The following PIK3C2G variants were observed in gnomAD, a reference collection of about 807,000 sequenced individuals.
The protein encoded by PIK3C2G is phosphatidylinositol-4-phosphate 3-kinase catalytic subunit type 2 gamma.
A neutral mutation model predicts 181.1 loss-of-function variants in PIK3C2G; 168 were observed. The observed-to-expected ratio is 0.93, with a 90% CI of 0.82 to 1.05. PIK3C2G has a LOEUF of 1.05. PIK3C2G is among the 50% of genes least tolerant of loss of function. The pLI is 0.00. For synonymous variants in PIK3C2G, 573 were observed against 592.2 expected, an observed-to-expected ratio of 0.97 and a Z score of 0.47; for missense variants, 1,869 against 1,732.8, an observed-to-expected ratio of 1.08 and a Z score of -1.40.
At chr12:18,332,760 C>T (rs944911474) in intron 8 of PIK3C2G, among the ~76,000 whole-genome samples, 8 of 152,142 alleles carry the variant, frequency 5.3e-5, no homozygotes, top group Non-Finnish European at 2.9e-5. Context: ...TGCTGCTCCT[C>T]CTCGTGCAGC....
chr12:18,579,421 T>C (rs1242233473), intron 29 of PIK3C2G, among the ~76,000 whole-genome samples: 1 of 152,162 alleles, frequency 6.6e-6, no homozygotes, highest in Non-Finnish European at 1.5e-5. Context: ...AGAGACTTCT[T>C]TAAAGGCCAG....
chr12:18,603,699 G>A (rs1290153864), intron 30 of PIK3C2G, among the ~76,000 whole-genome samples: 1 of 152,168 alleles, frequency 6.6e-6, no homozygotes, highest in Non-Finnish European at 1.5e-5. Flanking sequence ...AAGCTAGAAA[G>A]CATTTGGGCC....
At chr12:18,313,076 T>C (rs1421300221) in intron 5 of PIK3C2G, among the ~76,000 whole-genome samples, 1 of 152,096 alleles carries the variant, frequency 6.6e-6, no homozygotes. Flanking sequence ...CTTTAAACAA[T>C]GTGCATTAAC....
chr12:18,280,991 G>A lies in PIK3C2G; in HGVS notation c.-78-1013G>A, dbSNP rs143996830. Reference sequence around the variant, plus strand: ...TCTGGTTTCTGGTTTGAGCAGCTGCGTGAATAATTGGGTCATTTTTTTGCC... The same window carrying A: ...TCTGGTTTCTGGTTTGAGCAGCTGCATGAATAATTGGGTCATTTTTTTGCC... On this transcript the variant is annotated intron_variant, in intron 1 of 32. Coordinates refer to ENST00000538779, the MANE Select transcript of PIK3C2G (RefSeq NM_001288772.2). Among the ~76,000 whole-genome samples, 943 of 152,020 alleles carry A rather than the reference G, an allele frequency of 6.2e-3. 10 individuals are homozygous for A. Among genetic ancestry groups the A allele is most frequent in the Non-Finnish European group, 9.6e-3 (653 of 67,904 alleles).
the PIK3C2G span, among the ~76,000 whole-genome samples, chr12:18,664,627 G>A: frequency 6.6e-6 from 1 of 151,686 alleles, no homozygotes; most frequent in African/African-American, 2.4e-5. Flanking sequence ...GAACTAGAAA[G>A]ACCATTTGAC....
upstream of PIK3C2G, among the ~76,000 whole-genome samples, chr12:18,243,924 G>A (rs907761352): frequency 6.6e-6 from 1 of 151,980 alleles, no homozygotes; most frequent in African/African-American, 2.4e-5. Flanking sequence ...TATGTGCTAG[G>A]TATTATAACA....
chr12:18,515,017 T>G (rs1254644031), intron 24 of PIK3C2G, among the ~76,000 whole-genome samples: 1 of 152,064 alleles, frequency 6.6e-6, no homozygotes, highest in Non-Finnish European at 1.5e-5. Context: ...GTGTCCTTGA[T>G]TCTATTATTG....
intron 1 of PIK3C2G, among the ~76,000 whole-genome samples, chr12:18,255,522 T>C (rs1948137394): frequency 6.6e-6 from 1 of 152,220 alleles, no homozygotes; most frequent in Non-Finnish European, 1.5e-5. Context: ...TTTGCCATGT[T>C]CAGCGCAAGG....
intron 5 of PIK3C2G, among the ~76,000 whole-genome samples, chr12:18,312,200 TC>T (rs1195363880): frequency 6.6e-6 from 1 of 152,128 alleles, no homozygotes; most frequent in South Asian, 2.1e-4. Flanking sequence ...CATCCTCCGA[TC>T]CAATCAAGTT....
rs572925580 is a variant in PIK3C2G, at chr12:18,584,804, T to C, written c.4012-9690T>C. On this transcript the variant is annotated intron_variant, in intron 29 of 32. Transcript: ENST00000538779. ...AAAGGAGCTAGAGAGAAAGGGAAGG[T>C]CACCTACAAAGGGAACACCATCAGG... 7.9e-5 allele frequency among the ~76,000 whole-genome samples: 12 copies of C among 151,742 alleles called. No homozygotes were observed. The South Asian group carries it at 2.1e-3, about 26-fold the overall frequency.
Position 18,488,438 on chromosome 12 carries a change from C to T in PIK3C2G, c.2505-11C>T, listed in dbSNP as rs1182284152. 2 of 1,479,600 alleles carry T rather than the reference C, an allele frequency of 1.4e-6. No individual in the cohort carries two copies. Among genetic ancestry groups the T allele is most frequent in the African/African-American group, 1.5e-5 (1 of 68,464 alleles). 91.7% of individuals were successfully genotyped at this position (1,479,600 alleles called of 1,614,324 possible). Reference sequence around the variant, plus strand: ...TACATACAAGAATTTTTTTCTCTCTCTTTCCTTCAGGCTGCTAAAAAATGC... The same window carrying T: ...TACATACAAGAATTTTTTTCTCTCTTTTTCCTTCAGGCTGCTAAAAAATGC... On this transcript the variant is annotated splice_polypyrimidine_tract_variant and intron_variant, in intron 18 of 32. Coordinates refer to ENST00000538779, the MANE Select transcript of PIK3C2G (RefSeq NM_001288772.2).
intron 26 of PIK3C2G, among the ~76,000 whole-genome samples, chr12:18,548,842 CT>C (rs1352173397): frequency 1.3e-5 from 2 of 152,154 alleles, no homozygotes; most frequent in East Asian, 3.9e-4. Context: ...TCTCCTGTCT[CT>C]CACTTCCTAG....
chr12:18,608,817 G>A (rs1948191661), intron 30 of PIK3C2G, among the ~76,000 whole-genome samples: 1 of 152,028 alleles, frequency 6.6e-6, no homozygotes, highest in Admixed American at 6.6e-5. Flanking sequence ...TCTCTGAAAG[G>A]CATTTTGATC....
At chr12:18,370,455 C>T (rs1941967492) in intron 12 of PIK3C2G, among the ~76,000 whole-genome samples, 1 of 152,092 alleles carries the variant, frequency 6.6e-6, no homozygotes, top group South Asian at 2.1e-4. Context: ...TTTCAGTGAC[C>T]ATCCTCCAAA....
intron 30 of PIK3C2G, among the ~76,000 whole-genome samples, chr12:18,594,878 T>C (rs963569042): frequency 6.6e-6 from 1 of 152,062 alleles, no homozygotes; most frequent in Non-Finnish European, 1.5e-5. Flanking sequence ...CTGTCAAATC[T>C]TTTTTATTTT....
chr12:18,448,653 G>A (rs1348800851), intron 18 of PIK3C2G, among the ~76,000 whole-genome samples: 1 of 151,840 alleles, frequency 6.6e-6, no homozygotes, highest in African/African-American at 2.4e-5. Context: ...TCTGTGTCTG[G>A]CTTATTTCAT....
intron 1 of PIK3C2G, among the ~76,000 whole-genome samples, chr12:18,255,281 GAAA>G (rs964274892): frequency 1.4e-5 from 2 of 145,258 alleles, no homozygotes; most frequent in Non-Finnish European, 3.0e-5. Context: ...ATAAATGAAA[GAAA>G]AAAAGAAATA....
intron 18 of PIK3C2G, among the ~76,000 whole-genome samples, chr12:18,469,452 T>G (rs1938236150): frequency 1.3e-5 from 2 of 152,138 alleles, no homozygotes; most frequent in Admixed American, 1.3e-4. Context: ...ATTGCTTATT[T>G]AAAACTATGA....
intron 18 of PIK3C2G, among the ~76,000 whole-genome samples, chr12:18,459,061 A>G (rs1947782471): frequency 6.6e-6 from 1 of 152,162 alleles, no homozygotes; most frequent in Non-Finnish European, 1.5e-5. Flanking sequence ...TCTGACTTAC[A>G]GAACTGTGAG....
Sources: allele counts gnomAD v4.1 joint callset (sites outside exome capture counted in the v4.1 genomes callset), GRCh38; gene constraint gnomAD v4.1.1; transcripts MANE v1.5; gene names NCBI Gene and HGNC (gene_info 2026-07-23, HGNC 2026-07-21).